Variants in STAU2 observed in about 807,000 individuals in gnomAD.
The protein encoded by STAU2 is double-stranded RNA-binding protein Staufen homolog 2.
STAU2 carries 20 observed loss-of-function variants against 65.9 expected under a neutral mutation model. That is an observed-to-expected ratio of 0.30 (90% CI 0.21 to 0.44). The LOEUF is 0.44. Among genes scored for constraint, STAU2 ranks in the 20% least tolerant of loss-of-function variants. STAU2 has a pLI of 1.00. For missense variants in STAU2, 558 were observed against 683.9 expected, an observed-to-expected ratio of 0.82 and a Z score of 2.05; for synonymous variants, 232 against 233.9, an observed-to-expected ratio of 0.99 and a Z score of 0.07.
intron 4 of STAU2, among the ~76,000 whole-genome samples, chr8:73,696,057 C>T (rs565451165): frequency 5.3e-4 from 80 of 152,232 alleles, no homozygotes; most frequent in African/African-American, 1.7e-3. Context: ...ATCACCACAC[C>T]CCCAATTCCA....
At chr8:73,550,539 G>A in intron 13 of STAU2, 3 of 983,946 alleles carry the variant, frequency 3.0e-6, no homozygotes, top group Non-Finnish European at 3.6e-6. Flanking sequence ...TCATAAATAA[G>A]CAGTTAATTT....
chr8:73,477,902 A>C (rs1333816357), intron 13 of STAU2, among the ~76,000 whole-genome samples: 1 of 152,130 alleles, frequency 6.6e-6, no homozygotes, highest in African/African-American at 2.4e-5. Context: ...AAAGTTGAAA[A>C]CATGGAGAAT....
At chr8:73,680,135 TG>T (rs1370907857) in intron 5 of STAU2, among the ~76,000 whole-genome samples, 2 of 46,946 alleles carry the variant, frequency 4.3e-5, no homozygotes, top group Non-Finnish European at 7.8e-5. Context: ...AGAATCTGGG[TG>T]GGGGGTGGGG....
intron 12 of STAU2, among the ~76,000 whole-genome samples, chr8:73,573,179 G>C (rs971371813): frequency 3.9e-5 from 6 of 152,230 alleles, no homozygotes; most frequent in African/African-American, 1.4e-4. Context: ...ACAATACCTA[G>C]GAATCCAACT....
At chr8:73,487,764 C>T (rs985894092) in intron 13 of STAU2, among the ~76,000 whole-genome samples, 6 of 151,938 alleles carry the variant, frequency 3.9e-5, no homozygotes, top group Non-Finnish European at 7.4e-5. Flanking sequence ...TACAGATTAA[C>T]CACTCCTACC....
chr8:73,743,001 A>C (rs766341917), intron 1 of STAU2, among the ~76,000 whole-genome samples: 2 of 152,108 alleles, frequency 1.3e-5, no homozygotes, highest in Non-Finnish European at 2.9e-5. Flanking sequence ...AAAGCAAAAA[A>C]AATTTACTAT....
intron 5 of STAU2, among the ~76,000 whole-genome samples, chr8:73,680,728 T>C (rs1015117590): frequency 6.6e-6 from 1 of 151,574 alleles, no homozygotes. Context: ...ATACAAGACA[T>C]GGATGAAAAA....
chr8:73,447,801 C>T (rs748254686), intron 13 of STAU2, among the ~76,000 whole-genome samples: 1 of 152,142 alleles, frequency 6.6e-6, no homozygotes, highest in Non-Finnish European at 1.5e-5. Context: ...TTTTCCTCCC[C>T]CCTCTGGGTG....
intron 13 of STAU2, among the ~76,000 whole-genome samples, chr8:73,533,498 C>G (rs1563406135): frequency 6.6e-6 from 1 of 152,148 alleles, no homozygotes; most frequent in Non-Finnish European, 1.5e-5. Context: ...AGATGAGATA[C>G]TATACTTTTG....
At chr8:73,668,924 AAT>A in intron 6 of STAU2, 1 of 639,262 alleles carries the variant, frequency 1.6e-6, no homozygotes, top group Non-Finnish European at 2.8e-6. Flanking sequence ...AATTTTGCTT[AAT>A]ATTACTTTAA....
At chr8:73,738,179 A>T in intron 3 of STAU2, 105 bp downstream of exon 3, 1 of 1,010,050 alleles carries the variant, frequency 9.9e-7, no homozygotes, top group East Asian at 2.4e-5. Flanking sequence ...TTAAAAAGTG[A>T]TGAGTCAGGT....
intron 13 of STAU2, among the ~76,000 whole-genome samples, chr8:73,501,666 C>T (rs1287669468): frequency 6.6e-6 from 1 of 151,806 alleles, no homozygotes; most frequent in Non-Finnish European, 1.5e-5. Flanking sequence ...TTTCTCTTTG[C>T]CTTTGTTCTC....
intron 13 of STAU2, among the ~76,000 whole-genome samples, chr8:73,475,609 C>T (rs62508172): frequency 0.03 from 4,635 of 152,170 alleles, 131 homozygotes; most frequent in African/African-American, 0.073. Context: ...TCTATAAAAA[C>T]GGTCTATTGA....
chr8:73,452,201 C>A (rs1818835963), intron 13 of STAU2, among the ~76,000 whole-genome samples: 1 of 152,112 alleles, frequency 6.6e-6, no homozygotes, highest in African/African-American at 2.4e-5. Flanking sequence ...CAAGAGGCTC[C>A]CTCCAATTAT....
intron 6 of STAU2, among the ~76,000 whole-genome samples, chr8:73,625,076 T>C (rs1292878500): frequency 6.6e-6 from 1 of 151,962 alleles, no homozygotes; most frequent in East Asian, 1.9e-4. Context: ...AAAAAAGTCA[T>C]AAAGACATGG....
At chr8:73,482,211 G>C (rs559847465) in intron 13 of STAU2, among the ~76,000 whole-genome samples, 1 of 151,994 alleles carries the variant, frequency 6.6e-6, no homozygotes, top group Non-Finnish European at 1.5e-5. Flanking sequence ...GCATTGCCAG[G>C]AGTCTCTTGG....
chr8:73,582,064 G>C (rs1401375605), intron 12 of STAU2, among the ~76,000 whole-genome samples: 1 of 152,082 alleles, frequency 6.6e-6, no homozygotes, highest in Admixed American at 6.5e-5. Flanking sequence ...ATACTTTTCA[G>C]GAAGTGAGGG....
chr8:73,462,211 C>T (rs1298185223), intron 13 of STAU2, among the ~76,000 whole-genome samples: 2 of 151,898 alleles, frequency 1.3e-5, no homozygotes, highest in Non-Finnish European at 2.9e-5. Flanking sequence ...TCCTGAGTAG[C>T]TGGGATTACA....
At chr8:73,549,788 C>A in intron 13 of STAU2, 1 of 985,474 alleles carries the variant, frequency 1.0e-6, no homozygotes, top group Non-Finnish European at 1.2e-6. Context: ...CCTAGAAACA[C>A]AGAAAAAGAA....
Sources: gnomAD v4.1 joint callset for allele counts (sites outside exome capture counted in the v4.1 genomes callset) on GRCh38, gnomAD v4.1.1 for gene constraint, MANE v1.5 for transcripts, NCBI Gene and HGNC (gene_info 2026-07-23, HGNC 2026-07-21) for gene names.